SERPINB7: variants seen among roughly 807,000 people sequenced by gnomAD.
SERPINB7 encodes the protein serpin family B member 7, also known as serpin B7.
In SERPINB7, 31 loss-of-function variants were observed where a neutral mutation model predicts 37.4. The observed-to-expected ratio is 0.83, with a 90% CI of 0.62 to 1.12. The LOEUF (loss-of-function observed/expected upper bound fraction) is 1.12, where lower values mean the gene tolerates loss of function less well. Among genes scored for constraint, SERPINB7 ranks in the 50% most tolerant of loss-of-function variants. The pLI is 0.00. For synonymous variants in SERPINB7, 163 were observed against 166.1 expected, an observed-to-expected ratio of 0.98 and a Z score of 0.14; for missense variants, 521 against 455.3, an observed-to-expected ratio of 1.14 and a Z score of -1.31.
In SERPINB7 at chr18:63,766,398, TA is replaced by T. The variant is rs35805207; in HGVS notation, c.-19+13282del. On this transcript the variant is annotated intron_variant, in intron 1 of 7. Transcript: ENST00000336429. ...CCAAATTCCTGTTTTTCCTAACTTT[TA>T]AAAGAAGAAATCATGTTTTATTTTT... is the stretch of plus-strand genomic sequence containing the variant. Among the ~76,000 whole-genome samples the T allele has an allele frequency of 1.1e-4, 17 of 152,286 alleles. No homozygotes were observed. In the East Asian group the frequency reaches 2.9e-3, roughly 26 times the overall value.
At chr18:63,780,456 G>C (rs1480557887) in intron 1 of SERPINB7, among the ~76,000 whole-genome samples, 1 of 152,110 alleles carries the variant, frequency 6.6e-6, no homozygotes, top group East Asian at 1.9e-4. Context: ...CTTTAGCACT[G>C]CTAGTATCAC....
chr18:63,804,907 G>A lies in SERPINB7; in HGVS notation c.*272G>A. Reference sequence around the variant, plus strand: ...GCTCATTTCTATCATTCTCCCCCATGACCCGTCTGGAAATTATGGAGAGTG... The same window carrying A: ...GCTCATTTCTATCATTCTCCCCCATAACCCGTCTGGAAATTATGGAGAGTG... On this transcript the variant is annotated 3_prime_UTR_variant, in exon 8 of 8. Coordinates refer to ENST00000398019, the MANE Select transcript of SERPINB7 (RefSeq NM_003784.4). 2.5e-6 allele frequency: 1 copy of A among 406,744 alleles called. No homozygotes were observed. The highest frequency in any genetic ancestry group is 5.0e-5 in the South Asian group (1 of 20,142). The allele number at this position is 406,744 out of a possible 1,614,324, so 25.2% of individuals were successfully genotyped here. A position where few individuals can be genotyped will look rare whatever the true frequency, so the allele number is the denominator to read the frequency against.
At chr18:63,778,790 T>C (rs1474548311) in intron 1 of SERPINB7, among the ~76,000 whole-genome samples, 1 of 152,104 alleles carries the variant, frequency 6.6e-6, no homozygotes, top group Non-Finnish European at 1.5e-5. Flanking sequence ...AAATAGACCA[T>C]AAGGAATCAA....
chr18:63,787,814 TCA>T (rs1195557163), intron 2 of SERPINB7, among the ~76,000 whole-genome samples: 1 of 152,156 alleles, frequency 6.6e-6, no homozygotes, highest in Non-Finnish European at 1.5e-5. Flanking sequence ...CGAGGTACAG[TCA>T]CAGTCCACAT....
At chr18:63,792,348 T>A in intron 2 of SERPINB7, 45 bp from the exon 3 acceptor site, 1 of 1,406,830 alleles carries the variant, frequency 7.1e-7, no homozygotes, top group Non-Finnish European at 1.0e-6. Context: ...ACTGTTCTCG[T>A]AACCTCTGAT....
Position 63,804,933 on chromosome 18 carries a change from C to T in SERPINB7, c.*298C>T, listed in dbSNP as rs953661738. 5.8e-6 allele frequency: 2 copies of T among 343,640 alleles called. No individual in the cohort carries two copies. The highest frequency in any genetic ancestry group is 4.2e-5 in the African/African-American group (2 of 48,156). 21.3% of individuals were successfully genotyped at this position (343,640 alleles called of 1,614,324 possible). A position where few individuals can be genotyped will look rare whatever the true frequency, so the allele number is the denominator to read the frequency against. Reference sequence around the variant, plus strand: ...ACCCGTCTGGAAATTATGGAGAGTGCTCAACTGGTAAGGAGAACGTAGAAG... The same window carrying T: ...ACCCGTCTGGAAATTATGGAGAGTGTTCAACTGGTAAGGAGAACGTAGAAG... On this transcript the variant is annotated 3_prime_UTR_variant, in exon 8 of 8. Coordinates refer to ENST00000398019, the MANE Select transcript of SERPINB7 (RefSeq NM_003784.4).
rs1456356249 is a variant in SERPINB7 at position 63,804,322 on chromosome 18, C to T, written c.830C>T (p.Pro277Leu). ...MTSKYVEVFF[P>L]QFKIEKNYEM... ...TCTAAGTATGTTGAGGTATTTTTTC[C>T]TCAGTTCAAGATAGAGAAGAATTAT... The change falls in exon 8 of 8, where the codon CCT becomes CTT. Residue 277 changes from proline to leucine, a missense_variant. Pro to Leu is a moderately conservative substitution (Grantham distance 98). Transcript: ENST00000398019. 6.2e-6 allele frequency: 10 copies of T among 1,611,956 alleles called. No individual in the cohort carries two copies. The East Asian group carries it at 2.2e-4, about 36-fold the overall frequency.
chr18:63,783,266 G>T (rs867360546), intron 2 of SERPINB7, among the ~76,000 whole-genome samples: 6 of 148,126 alleles, frequency 4.1e-5, no homozygotes, highest in Non-Finnish European at 8.9e-5. Context: ...AAGAAAGAAA[G>T]AAAGAAAGAA....
intron 1 of SERPINB7, among the ~76,000 whole-genome samples, chr18:63,754,070 T>C (rs572878400): frequency 6.6e-6 from 1 of 152,242 alleles, no homozygotes; most frequent in Non-Finnish European, 1.5e-5. Flanking sequence ...ATCATAGTTG[T>C]ATCTGGAAGA....
intron 1 of SERPINB7, among the ~76,000 whole-genome samples, chr18:63,763,741 A>T (rs892981931): frequency 3.9e-5 from 6 of 152,250 alleles, no homozygotes; most frequent in African/African-American, 9.6e-5. Context: ...CTTGGGTTTA[A>T]TAAGGCAGAA....
chr18:63,798,556 A>G, intron 5 of SERPINB7, 48 bp from the exon 6 acceptor site: 1 of 1,423,480 alleles, frequency 7.0e-7, no homozygotes, highest in Non-Finnish European at 9.5e-7. Flanking sequence ...AATCATTTTT[A>G]AAATTATATT....
chr18:63,787,136 T>C (rs1318388695), intron 2 of SERPINB7, among the ~76,000 whole-genome samples: 1 of 152,184 alleles, frequency 6.6e-6, no homozygotes, highest in African/African-American at 2.4e-5. Context: ...GTTTTGACCG[T>C]GACACATCAC....
At chr18:63,779,338 A>C (rs944450809) in intron 1 of SERPINB7, among the ~76,000 whole-genome samples, 1 of 152,204 alleles carries the variant, frequency 6.6e-6, no homozygotes, top group African/African-American at 2.4e-5. Flanking sequence ...CAATCAGTTC[A>C]GTCTTAAATA....
At chr18:63,788,265 G>A (rs1348856417) in intron 2 of SERPINB7, among the ~76,000 whole-genome samples, 1 of 152,174 alleles carries the variant, frequency 6.6e-6, no homozygotes, top group Non-Finnish European at 1.5e-5. Context: ...GGGACAAGAC[G>A]TGAAGGAAAA....
chr18:63,773,366 A>T (rs927348462), upstream of SERPINB7, among the ~76,000 whole-genome samples: 2 of 152,112 alleles, frequency 1.3e-5, no homozygotes, highest in African/African-American at 4.8e-5. Flanking sequence ...AGGATGTGCA[A>T]AGAATATCCC....
At chr18:63,766,902 CT>C (rs2049183726) in intron 1 of SERPINB7, among the ~76,000 whole-genome samples, 1 of 152,150 alleles carries the variant, frequency 6.6e-6, no homozygotes, top group African/African-American at 2.4e-5. Context: ...ACCAAAGAAA[CT>C]TGAAGTGATT....
chr18:63,753,547 A>G (rs1317626049), intron 1 of SERPINB7, among the ~76,000 whole-genome samples: 2 of 152,158 alleles, frequency 1.3e-5, no homozygotes, highest in Admixed American at 6.5e-5. Flanking sequence ...TCACAGACCT[A>G]CTGATTAAAT....
At chr18:63,801,383 A>G (rs62098580) in intron 7 of SERPINB7, among the ~76,000 whole-genome samples, 123 of 152,292 alleles carry the variant, frequency 8.1e-4, no homozygotes, top group Non-Finnish European at 1.4e-3. Flanking sequence ...GTATGATATG[A>G]TAGAGTCCTG....
intron 4 of SERPINB7, among the ~76,000 whole-genome samples, chr18:63,795,576 T>TAA (rs5825537): frequency 0.038 from 4,394 of 115,712 alleles, 81 homozygotes; most frequent in African/African-American, 0.064. Flanking sequence ...AAAAAAGAAT[T>TAA]AAAAAAAAAA....
Sources: allele counts gnomAD v4.1 joint callset (sites outside exome capture counted in the v4.1 genomes callset), GRCh38; gene constraint gnomAD v4.1.1; transcripts MANE v1.5; gene names NCBI Gene and HGNC (gene_info 2026-07-23, HGNC 2026-07-21).